The following CATSPERE variants were observed in gnomAD, a reference collection of about 807,000 sequenced individuals.
CATSPERE encodes the protein cation channel sperm-associated auxiliary subunit epsilon.
A neutral mutation model predicts 114.1 loss-of-function variants in CATSPERE; 93 were observed. The observed-to-expected ratio is 0.81, with a 90% CI of 0.69 to 0.97. CATSPERE has a LOEUF of 0.97. Among genes scored for constraint, CATSPERE ranks in the 50% least tolerant of loss-of-function variants. CATSPERE has a pLI of 0.00. For missense variants in CATSPERE, 1,058 were observed against 1,131.6 expected, an observed-to-expected ratio of 0.93 and a Z score of 0.93; for synonymous variants, 341 against 384.1, an observed-to-expected ratio of 0.89 and a Z score of 1.31.
chr1:244,555,727 T>C (rs1469642820), intron 9 of CATSPERE, among the ~76,000 whole-genome samples: 1 of 152,172 alleles, frequency 6.6e-6, no homozygotes, highest in East Asian at 1.9e-4. Flanking sequence ...ATAAATTCAG[T>C]AAAGTTGAAG....
chr1:244,550,273 A>G (rs1376475714), intron 8 of CATSPERE, among the ~76,000 whole-genome samples: 1 of 152,208 alleles, frequency 6.6e-6, no homozygotes, highest in Non-Finnish European at 1.5e-5. Context: ...GTCTATTTCT[A>G]TATATCCTAG....
Position 244,574,907 on chromosome 1 carries a change from C to A in CATSPERE, c.1950+2135C>A, listed in dbSNP as rs79207299. 8.8e-3 allele frequency among the ~76,000 whole-genome samples: 1,334 copies of A among 152,324 alleles called. 11 individuals carry two copies. Among genetic ancestry groups the A allele is most frequent in the East Asian group, 0.038 (198 of 5,186 alleles). On this transcript the variant is annotated intron_variant, in intron 11 of 21. Transcript: ENST00000366534. ...TAACTTTTTTTATGACTTTCACAGA[C>A]AATCTTTGACATGCCTTAACTTTCT...
At chr1:244,499,281 G>T in intron 7 of CATSPERE, among the ~76,000 whole-genome samples, 1 of 151,818 alleles carries the variant, frequency 6.6e-6, no homozygotes, top group East Asian at 1.9e-4. Flanking sequence ...CCTTTCTTTA[G>T]AACTCTAATT....
At chr1:244,470,111 G>A (rs1004145849) in intron 2 of CATSPERE, among the ~76,000 whole-genome samples, 2 of 152,006 alleles carry the variant, frequency 1.3e-5, no homozygotes, top group East Asian at 3.8e-4. Flanking sequence ...AAAACATAAG[G>A]GAAAATCCGT....
chr1:244,490,607 A>G (rs1367707125), intron 6 of CATSPERE, 136 bp downstream of exon 6: 8 of 556,896 alleles, frequency 1.4e-5, no homozygotes, highest in East Asian at 6.3e-5. Flanking sequence ...ATACCTTTCT[A>G]TAAGACCCAT....
chr1:244,464,675 C>G lies in CATSPERE; in HGVS notation c.114+719C>G, dbSNP rs144906228. On this transcript the variant is annotated intron_variant, in intron 2 of 21. Transcript: ENST00000366534. ...CCAAAATTTGGTGTTATTAAATTTC[C>G]TATTTTTTTTTTACCAATCTCATTA... 3.2e-4 allele frequency among the ~76,000 whole-genome samples: 48 copies of G among 152,092 alleles called. No individual in the cohort carries two copies. In the East Asian group the frequency reaches 9.3e-3, roughly 29 times the overall value.
chr1:244,498,319 C>T (rs972710968), intron 6 of CATSPERE, among the ~76,000 whole-genome samples: 2 of 152,116 alleles, frequency 1.3e-5, no homozygotes, highest in African/African-American at 2.4e-5. Context: ...TATACACAAA[C>T]ATTTTATAGG....
intron 5 of CATSPERE, among the ~76,000 whole-genome samples, chr1:244,487,950 T>A (rs1325375704): frequency 2.0e-5 from 3 of 152,298 alleles, no homozygotes; most frequent in African/African-American, 7.2e-5. Flanking sequence ...CACTGCCTCT[T>A]TCCCCAGGCT....
intron 8 of CATSPERE, among the ~76,000 whole-genome samples, chr1:244,519,821 G>A (rs920671285): frequency 6.8e-5 from 10 of 147,172 alleles, no homozygotes; most frequent in African/African-American, 2.4e-4. Flanking sequence ...AATGCTGTAG[G>A]AAAGCGCTCA....
chr1:244,605,995 G>T (rs1669940971), intron 18 of CATSPERE, among the ~76,000 whole-genome samples: 1 of 151,816 alleles, frequency 6.6e-6, no homozygotes, highest in African/African-American at 2.4e-5. Context: ...GACATAAAGG[G>T]GTCAGAAAAA....
In CATSPERE at chr1:244,479,730, G is replaced by A. The variant is rs780686998; in HGVS notation, c.272G>A (p.Arg91His). 7.5e-6 allele frequency: 12 copies of A among 1,598,296 alleles called. No homozygotes were observed. Among genetic ancestry groups the A allele is most frequent in the Admixed American group, 1.7e-5 (1 of 58,928 alleles). ...PIVTGPDEEE[R>H]YLFVESSHTC... is the part of the protein sequence containing the mutation. ...ATTTTCTTTTAGGATGAAGAAGAAC[G>A]CTATTTATTTGTGGAAAGTTCTCAT... The change falls in exon 5 of 22, where the codon CGC becomes CAC. Residue 91 changes from arginine (R) to histidine (H), a missense_variant. By Grantham distance (29) the Arg-to-His change is conservative (BLOSUM62 0). This residue lies in a region of CATSPERE where 271 missense variants were observed against 225.9 expected (regional missense o/e 1.20). Transcript: ENST00000366534.
At chr1:244,609,110 C>G (rs960040786) in intron 18 of CATSPERE, among the ~76,000 whole-genome samples, 2 of 152,086 alleles carry the variant, frequency 1.3e-5, no homozygotes, top group African/African-American at 4.8e-5. Flanking sequence ...CGCTTGAACC[C>G]AAGAAGTGGA....
At chr1:244,595,239 G>A (rs1022657454) in intron 17 of CATSPERE, among the ~76,000 whole-genome samples, 3 of 152,166 alleles carry the variant, frequency 2.0e-5, no homozygotes, top group Non-Finnish European at 2.9e-5. Flanking sequence ...AAACATATGC[G>A]CAGATATGCT....
chr1:244,543,328 G>T (rs3000693), intron 8 of CATSPERE, among the ~76,000 whole-genome samples: 150,865 of 152,214 alleles, frequency 0.99, 74,772 homozygotes, highest in Middle Eastern at 1. Context: ...ATTCTGTCAC[G>T]TGCAACAACA....
intron 20 of CATSPERE, among the ~76,000 whole-genome samples, chr1:244,634,671 G>A (rs1674386213): frequency 6.6e-6 from 1 of 152,202 alleles, no homozygotes; most frequent in African/African-American, 2.4e-5. Flanking sequence ...AAACCTGAAT[G>A]CAAATCCCAG....
intron 13 of CATSPERE, among the ~76,000 whole-genome samples, chr1:244,584,926 C>T (rs6665893): frequency 0.19 from 28,141 of 151,994 alleles, 3,763 homozygotes; most frequent in East Asian, 0.4. Context: ...GCTTAATCCA[C>T]GTAGGAAATA....
chr1:244,482,302 C>CA (rs1340039026), intron 5 of CATSPERE, among the ~76,000 whole-genome samples: 1 of 151,868 alleles, frequency 6.6e-6, no homozygotes, highest in Admixed American at 6.6e-5. Flanking sequence ...CTTGTCTCTA[C>CA]AAAAAATATA....
At position 244,610,272 on chromosome 1, in the gene CATSPERE, G is replaced by GT. The variant is rs1396323458; in HGVS notation, c.2437dup (p.Ser813PhefsTer4). ...GTTTACATGAAGCACAGACATGGAA[G>GT]TCAATGATTGAACTTAACAAGCACC... is the stretch of plus-strand genomic sequence containing the variant. On this transcript the variant is annotated frameshift_variant, in exon 19 of 22. Transcript: ENST00000366534. LOFTEE classifies it high-confidence loss of function. 1 of 1,612,826 alleles carries GT rather than the reference G, an allele frequency of 6.2e-7. No individual in the cohort carries two copies. The highest frequency in any genetic ancestry group is 1.1e-5 in the South Asian group (1 of 90,610).
chr1:244,621,037 AAAATATATATAT>A (rs200007284), intron 20 of CATSPERE, among the ~76,000 whole-genome samples: 4,977 of 19,570 alleles, frequency 0.25, 1,866 homozygotes, highest in Non-Finnish European at 0.32. Context: ...AAATATATAT[AAAATATATATAT>A]AAATATATAT....
Sources: allele counts gnomAD v4.1 joint callset (sites outside exome capture counted in the v4.1 genomes callset), GRCh38; gene constraint gnomAD v4.1.1; regional missense constraint gnomAD v4.1.1; transcripts MANE v1.5; gene names NCBI Gene and HGNC (gene_info 2026-07-23, HGNC 2026-07-21).